The following ARHGAP24 variants were observed in gnomAD, a reference collection of about 807,000 sequenced individuals.
ARHGAP24 encodes the protein Rho GTPase activating protein 24, also known as rho GTPase-activating protein 24.
A neutral mutation model predicts 76.4 loss-of-function variants in ARHGAP24; 50 were observed. That is an observed-to-expected ratio of 0.65 (90% CI 0.52 to 0.83). The LOEUF is 0.83. Among genes scored for constraint, ARHGAP24 ranks in the 40% least tolerant of loss-of-function variants. ARHGAP24 has a pLI of 0.00. For synonymous variants in ARHGAP24, 345 were observed against 323.3 expected, an observed-to-expected ratio of 1.07 and a Z score of -0.72; for missense variants, 930 against 914.2, an observed-to-expected ratio of 1.02 and a Z score of -0.22.
intron 3 of ARHGAP24, among the ~76,000 whole-genome samples, chr4:85,786,189 T>C (rs1727834650): frequency 6.6e-6 from 1 of 152,206 alleles, no homozygotes; most frequent in Admixed American, 6.5e-5. Flanking sequence ...TAAGAACTTA[T>C]CAATAATCAC....
At chr4:85,910,130 A>T (rs1357065828) in intron 3 of ARHGAP24, among the ~76,000 whole-genome samples, 1 of 152,170 alleles carries the variant, frequency 6.6e-6, no homozygotes, top group Admixed American at 6.5e-5. Context: ...CTGCGGCTAG[A>T]CCAGGTGCAC....
chr4:85,942,400 A>G (rs1405484229), intron 5 of ARHGAP24, 127 bp downstream of exon 5: 2 of 1,167,688 alleles, frequency 1.7e-6, no homozygotes, highest in East Asian at 2.5e-5. Context: ...TTATTTGGCC[A>G]CAGGAGTTTG....
At chr4:85,521,161 AC>A (rs1187287879) in intron 1 of ARHGAP24, among the ~76,000 whole-genome samples, 2 of 152,082 alleles carry the variant, frequency 1.3e-5, no homozygotes, top group Non-Finnish European at 2.9e-5. Context: ...TTTTTCCCAA[AC>A]CCTTTACTAA....
chr4:85,540,714 T>G (rs1273662325), intron 1 of ARHGAP24, among the ~76,000 whole-genome samples: 1 of 152,234 alleles, frequency 6.6e-6, no homozygotes, highest in Non-Finnish European at 1.5e-5. Context: ...ATAACTCTTC[T>G]GATTTTTTCC....
At chr4:85,543,752 G>A (rs6852134) in intron 1 of ARHGAP24, among the ~76,000 whole-genome samples, 150,919 of 152,334 alleles carry the variant, frequency 0.99, 74,782 homozygotes, top group Middle Eastern at 1. Context: ...TTCCATAGCC[G>A]TGTTAGGAAG....
At chr4:85,871,051 A>C (rs996983912) in intron 3 of ARHGAP24, among the ~76,000 whole-genome samples, 3 of 152,128 alleles carry the variant, frequency 2.0e-5, no homozygotes, top group Non-Finnish European at 4.4e-5. Flanking sequence ...CTCTCTTTTG[A>C]ATAAAGGTCT....
At position 85,559,549 on chromosome 4, in the gene ARHGAP24, G is replaced by A. The variant is rs1156500009; in HGVS notation, c.-20-10973G>A. 2.6e-5 allele frequency among the ~76,000 whole-genome samples: 4 copies of A among 152,200 alleles called. No individual in the cohort carries two copies. In the South Asian group the frequency reaches 8.3e-4, roughly 31 times the overall value. Reference sequence around the variant, plus strand: ...TATATTTGGACCAACATCTTCAGAAGCCTTCTGGGCCTCCCCAAATTTCTT... The same window carrying A: ...TATATTTGGACCAACATCTTCAGAAACCTTCTGGGCCTCCCCAAATTTCTT... On this transcript the variant is annotated intron_variant, in intron 1 of 9. Transcript: ENST00000395184.
intron 4 of ARHGAP24, chr4:85,931,153 G>T: frequency 8.6e-7 from 1 of 1,160,118 alleles, no homozygotes; most frequent in Non-Finnish European, 1.2e-6. Context: ...CAAGAGCTTA[G>T]GACTGTACAA....
At position 85,995,238 on chromosome 4, in the gene ARHGAP24, A is replaced by T; in HGVS notation, c.1584A>T (p.Arg528Ser). 1.9e-6 allele frequency: 3 copies of T among 1,613,988 alleles called. No homozygotes were observed. Among genetic ancestry groups the T allele is most frequent in the Non-Finnish European group, 2.5e-6 (3 of 1,180,004 alleles). Residue 528 changes from arginine to serine, a missense_variant, in exon 9 of 10, where the codon AGA (arginine) becomes AGT (serine). Arg to Ser is a moderately radical substitution (Grantham distance 110, BLOSUM62 -1). Transcript: ENST00000395184. Reference protein sequence around the residue: ...EQAGELGQHNRLSTYDNVHQQ... With the variant: ...EQAGELGQHNSLSTYDNVHQQ... ...CTGGAGAGTTAGGCCAGCACAACAGACTGTCCACCTATGATAATGTCCATC... is the reference window on the plus strand; with the variant it reads ...CTGGAGAGTTAGGCCAGCACAACAGTCTGTCCACCTATGATAATGTCCATC...
At chr4:85,838,976 A>G (rs1730442696) in intron 3 of ARHGAP24, among the ~76,000 whole-genome samples, 1 of 152,226 alleles carries the variant, frequency 6.6e-6, no homozygotes, top group Non-Finnish European at 1.5e-5. Flanking sequence ...CAAAAATCGT[A>G]GCTCAGTTGC....
intron 2 of ARHGAP24, among the ~76,000 whole-genome samples, chr4:85,662,865 C>T (rs1223276257): frequency 6.6e-6 from 1 of 152,068 alleles, no homozygotes; most frequent in Non-Finnish European, 1.5e-5. Context: ...CTGTTCTCTT[C>T]CATTGACCTA....
chr4:85,487,292 AAT>A (rs1250826853), intron 1 of ARHGAP24, among the ~76,000 whole-genome samples: 81 of 121,986 alleles, frequency 6.6e-4, no homozygotes, highest in African/African-American at 2.2e-3. Flanking sequence ...ATATATAGTA[AAT>A]ATATATATTT....
chr4:85,888,120 G>C (rs766250853), intron 3 of ARHGAP24, among the ~76,000 whole-genome samples: 1 of 152,012 alleles, frequency 6.6e-6, no homozygotes, highest in South Asian at 2.1e-4. Context: ...AATTCTATCT[G>C]TGCTGGGCGT....
intron 5 of ARHGAP24, among the ~76,000 whole-genome samples, chr4:85,945,284 G>C (rs1201920168): frequency 1.3e-5 from 2 of 151,610 alleles, no homozygotes; most frequent in African/African-American, 2.4e-5. Context: ...CTGGGATTAC[G>C]GGCATGTGCC....
chr4:85,510,649 G>C (rs572139727), intron 1 of ARHGAP24, among the ~76,000 whole-genome samples: 24 of 140,944 alleles, frequency 1.7e-4, no homozygotes, highest in African/African-American at 6.4e-4. Context: ...TTCTCCAGGA[G>C]CCTCCTCTCC....
chr4:85,980,203 T>C (rs1244671709), intron 8 of ARHGAP24, among the ~76,000 whole-genome samples: 1 of 152,230 alleles, frequency 6.6e-6, no homozygotes, highest in Admixed American at 6.5e-5. Context: ...CTAGTCTTTT[T>C]AGTGGGCAGA....
At chr4:85,852,494 G>A (rs1731293429) in intron 3 of ARHGAP24, among the ~76,000 whole-genome samples, 1 of 152,174 alleles carries the variant, frequency 6.6e-6, no homozygotes, top group Non-Finnish European at 1.5e-5. Context: ...TTCTGTTGCT[G>A]GCGAGGAGCT....
In ARHGAP24 at chr4:85,843,998, A is replaced by T. The variant is rs552613270; in HGVS notation, c.269-79650A>T. Among the ~76,000 whole-genome samples the T allele has an allele frequency of 1.0e-3, 156 of 152,328 alleles. 3 individuals carry two copies. In the South Asian group the frequency reaches 0.032, roughly 31 times the overall value. On this transcript the variant is annotated intron_variant, in intron 3 of 9. Coordinates refer to ENST00000395184, the MANE Select transcript of ARHGAP24 (RefSeq NM_001025616.3). ...CAAAAAGCCCTAAAACATAATTGAT[A>T]ACATATTTTTAAAGTTGTAATTGCT...
intron 3 of ARHGAP24, among the ~76,000 whole-genome samples, chr4:85,813,816 T>TTTTA (rs1560647115): frequency 1.0e-5 from 1 of 95,562 alleles, no homozygotes; most frequent in Non-Finnish European, 2.2e-5. Context: ...TATATATTTA[T>TTTTA]TTTATATATA....
Sources: gnomAD v4.1 joint callset for allele counts (sites outside exome capture counted in the v4.1 genomes callset) on GRCh38, gnomAD v4.1.1 for gene constraint, MANE v1.5 for transcripts, NCBI Gene and HGNC (gene_info 2026-07-23, HGNC 2026-07-21) for gene names.